Variants in PIP4P1 observed in about 807,000 individuals in gnomAD.
PIP4P1 encodes the protein phosphatidylinositol-4,5-bisphosphate 4-phosphatase 1.
A neutral mutation model predicts 32.3 loss-of-function variants in PIP4P1; 14 were observed. The observed-to-expected ratio is 0.43, with a 90% CI of 0.29 to 0.68. The LOEUF (loss-of-function observed/expected upper bound fraction) is 0.68, where lower values mean the gene tolerates loss of function less well. PIP4P1 is among the 30% of genes least tolerant of loss of function. The pLI is 0.15. For synonymous variants in PIP4P1, 132 were observed against 137.9 expected (o/e 0.96, Z 0.30); for missense variants, 289 against 364.5 (o/e 0.79, Z 1.69).
In PIP4P1 at chr14:20,459,149, T is replaced by C. The variant is rs1203486764; in HGVS notation, c.690+57A>G. ...TTTTTTAGGGTAGCAGTTTCCCAAA[T>C]CTTAGCCTATGGAGATGAGGCTGCA... is the stretch of plus-strand genomic sequence containing the variant. On this transcript the variant is annotated intron_variant, in intron 6 of 6. Transcript: ENST00000250489. 3.2e-6 allele frequency: 5 copies of C among 1,567,242 alleles called. No homozygotes were observed. The Admixed American group carries it at 8.7e-5, about 27-fold the overall frequency.
chr14:20,458,286 C>T lies in PIP4P1; in HGVS notation c.*273G>A, dbSNP rs1176890674. 6.4e-6 allele frequency: 4 copies of T among 622,002 alleles called. No homozygotes were observed. Among genetic ancestry groups the T allele is most frequent in the East Asian group, 3.4e-5 (1 of 29,430 alleles). 38.5% of individuals were successfully genotyped at this position (622,002 alleles called of 1,614,324 possible). ...CACACAGGAAGGACAAGGCTGGAAC[C>T]GTCTTCAGGGCCCAGTTTTAAGGGC... On this transcript the variant is annotated 3_prime_UTR_variant, in exon 7 of 7. Transcript: ENST00000250489.
Position 20,459,299 on chromosome 14 carries a change from G to C in PIP4P1, c.600-3C>G. 1 of 1,614,220 alleles carries C rather than the reference G, an allele frequency of 6.2e-7. No homozygotes were observed. The highest frequency in any genetic ancestry group is 1.6e-4 in the Middle Eastern group (1 of 6,062). ...GGTATCTGCGCCCAATAGATGACCT[G>C]TGGGGAGGCAAATAGAAATGGATGC... On this transcript the variant is annotated splice_region_variant and splice_polypyrimidine_tract_variant and intron_variant, in intron 5 of 6. Transcript: ENST00000250489.
rs901991492 is a variant in PIP4P1, at chr14:20,461,359, A to G, written c.-34T>C. ...CCGCCGCCTCCCGCTCAGGTCGGCG[A>G]TCCGGCTCCCTTCGCCTCTGCCGTC... On this transcript the variant is annotated 5_prime_UTR_variant, in exon 1 of 7. Transcript: ENST00000250489. The G allele has an allele frequency of 1.6e-6, 2 of 1,260,804 alleles. No individual in the cohort carries two copies. The highest frequency in any genetic ancestry group is 2.0e-6 in the Non-Finnish European group (2 of 1,003,920). The allele number at this position is 1,260,804 out of a possible 1,614,324, so 78.1% of individuals were successfully genotyped here.
At chr14:20,460,923 G>T in intron 1 of PIP4P1, 78 bp from the exon 2 acceptor site, 1 of 1,452,142 alleles carries the variant, frequency 6.9e-7, no homozygotes. Context: ...AAGTCCTTCT[G>T]ATCTTCAACC....
chr14:20,458,737 T>G lies in PIP4P1; in HGVS notation c.691-35A>C, dbSNP rs752961119. 1.3e-4 allele frequency: 211 copies of G among 1,596,266 alleles called. 1 individual carries two copies. The South Asian group carries it at 2.3e-3, about 18-fold the overall frequency. On this transcript the variant is annotated intron_variant, in intron 6 of 6. Coordinates refer to ENST00000250489, the MANE Select transcript of PIP4P1 (RefSeq NM_144568.4). ...ATAAGGAGGGAGAAGAAAAGAAAGATGGGGTTAATGTTGGTCTCCACTACC... is the reference window on the plus strand; with the variant it reads ...ATAAGGAGGGAGAAGAAAAGAAAGAGGGGGTTAATGTTGGTCTCCACTACC...
rs1881516560 is a variant in PIP4P1, at chr14:20,458,134, A to T, written c.*425T>A. ...GACTGAGGGTACTGAGGCCAGAGCC[A>T]ACCTCTGGTGAAGTGCAATAGCAGC... On this transcript the variant is annotated 3_prime_UTR_variant, in exon 7 of 7. Transcript: ENST00000250489. 2.7e-6 allele frequency: 1 copy of T among 370,874 alleles called. No individual in the cohort carries two copies. The allele number at this position is 370,874 out of a possible 1,614,324, so 23.0% of individuals were successfully genotyped here.
In PIP4P1 at chr14:20,458,451, C is replaced by T; in HGVS notation, c.*108G>A. 1.3e-6 allele frequency: 2 copies of T among 1,522,634 alleles called. No homozygotes were observed. The highest frequency in any genetic ancestry group is 1.2e-5 in the South Asian group (1 of 86,320). The allele number at this position is 1,522,634 out of a possible 1,614,324, so 94.3% of individuals were successfully genotyped here. A position where few individuals can be genotyped will look rare whatever the true frequency, so the allele number is the denominator to read the frequency against. On this transcript the variant is annotated 3_prime_UTR_variant, in exon 7 of 7. Transcript: ENST00000250489. ...TCCCCAGGGAAAAGGAAGGCAGCTG[C>T]TTGGCTTCCTTCTAGAAGCCCCGGG... is the stretch of plus-strand genomic sequence containing the variant.
chr14:20,459,188 T>TGGGGCAAGGGTACTC lies in PIP4P1; in HGVS notation c.690+3_690+17dup. On this transcript the variant is annotated intron_variant, in intron 6 of 6. Transcript: ENST00000250489. ...GATGAGGCTGCAGAATGAAAGAGGT[T>TGGGGCAAGGGTACTC]GGGGCAAGGGTACTCACGGCAAGGC... 2 of 1,613,588 alleles carry TGGGGCAAGGGTACTC rather than the reference T, an allele frequency of 1.2e-6. No individual in the cohort carries two copies. Among genetic ancestry groups the TGGGGCAAGGGTACTC allele is most frequent in the Non-Finnish European group, 1.7e-6 (2 of 1,179,794 alleles).
chr14:20,458,228 A>T lies in PIP4P1; in HGVS notation c.*331T>A. The T allele has an allele frequency of 2.2e-6, 1 of 445,208 alleles. No individual in the cohort carries two copies. Among genetic ancestry groups the T allele is most frequent in the Non-Finnish European group, 4.5e-6 (1 of 222,010 alleles). 27.6% of individuals were successfully genotyped at this position (445,208 alleles called of 1,614,324 possible). On this transcript the variant is annotated 3_prime_UTR_variant, in exon 7 of 7. Coordinates refer to ENST00000250489, the MANE Select transcript of PIP4P1 (RefSeq NM_144568.4). ...GCTACCCACCCCCACCCTGCCCTGG[A>T]ATGTGTAAGGGACAGGAATGGCTCT...
chr14:20,458,562 G>A lies in PIP4P1; in HGVS notation c.831C>T (p.Ser277=). ...CACAGTCTGTGGGTCATCAGGCTCA[G>A]GAGAAGTTCTGGACAGGGTGGCTGA... ...MKVSHPVQNF[S] The change falls in exon 7 of 7, where the codon TCC becomes TCT. Residue 277 remains serine, a synonymous_variant. Coordinates refer to ENST00000250489, the MANE Select transcript of PIP4P1 (RefSeq NM_144568.4). 1.2e-6 allele frequency: 2 copies of A among 1,613,558 alleles called. No homozygotes were observed. The highest frequency in any genetic ancestry group is 2.7e-5 in the African/African-American group (2 of 75,024).
Position 20,457,857 on chromosome 14 carries a change from G to C in PIP4P1, c.*702C>G, listed in dbSNP as rs533379082. 2.6e-6 allele frequency: 1 copy of C among 379,448 alleles called. No homozygotes were observed. The highest frequency in any genetic ancestry group is 6.7e-5 in the East Asian group (1 of 15,034). 23.5% of individuals were successfully genotyped at this position (379,448 alleles called of 1,614,324 possible). A position where few individuals can be genotyped will look rare whatever the true frequency, so the allele number is the denominator to read the frequency against. ...CACACAAGTTAACAACTGAAAAAGC[G>C]TAGAGTCATGACCTTATTTATTTAC... On this transcript the variant is annotated 3_prime_UTR_variant, in exon 7 of 7. Transcript: ENST00000250489.
intron 4 of PIP4P1, 41 bp downstream of exon 4, chr14:20,459,587 T>C (rs1158945072): frequency 1.3e-6 from 2 of 1,585,992 alleles, no homozygotes; most frequent in Non-Finnish European, 1.7e-6. Context: ...AAATGACTCT[T>C]AGTCTCCTTT....
At chr14:20,460,962 A>G (rs1309775614) in intron 1 of PIP4P1, 117 bp from the exon 2 acceptor site, 2 of 1,308,022 alleles carry the variant, frequency 1.5e-6, no homozygotes, top group Admixed American at 6.7e-5. Flanking sequence ...GGCTTCTCAT[A>G]ATTGGCACTT....
intron 2 of PIP4P1, 140 bp downstream of exon 2, chr14:20,460,515 G>T: frequency 3.4e-6 from 3 of 893,910 alleles, no homozygotes; most frequent in Non-Finnish European, 5.0e-6. Context: ...TGGGGAAATG[G>T]CTGTGTGAGA....
In PIP4P1 at chr14:20,461,284, G is replaced by A; in HGVS notation, c.42C>T (p.Pro14=). 1 of 1,289,300 alleles carries A rather than the reference G, an allele frequency of 7.8e-7. No individual in the cohort carries two copies. Among genetic ancestry groups the A allele is most frequent in the East Asian group, 2.9e-5 (1 of 34,730 alleles). The allele number at this position is 1,289,300 out of a possible 1,614,324, so 79.9% of individuals were successfully genotyped here. The change falls in exon 1 of 7, where the codon CCC becomes CCT. Residue 14 remains proline (P), a synonymous_variant. Transcript: ENST00000250489. ...DGERSPLLSE[P]IDGGAGGNGL... ...CGTTGCCGCCCGCGCCACCGTCGAT[G>A]GGCTCAGACAGCAGCGGGGAACGCT...
chr14:20,459,066 C>T, intron 6 of PIP4P1, 140 bp downstream of exon 6: 1 of 862,172 alleles, frequency 1.2e-6, no homozygotes, highest in Non-Finnish European at 1.8e-6. Flanking sequence ...CCACTTTGCA[C>T]TTTAGCTCAT....
chr14:20,460,990 A>T (rs953529230), intron 1 of PIP4P1, 145 bp from the exon 2 acceptor site: 2 of 1,263,668 alleles, frequency 1.6e-6, no homozygotes, highest in Non-Finnish European at 2.1e-6. Context: ...GTTGCTCAGA[A>T]CCCCCTTCCG....
chr14:20,460,697 C>G lies in PIP4P1; in HGVS notation c.291G>C (p.Met97Ile). 21 of 1,614,060 alleles carry G rather than the reference C, an allele frequency of 1.3e-5. No individual in the cohort carries two copies. Among genetic ancestry groups the G allele is most frequent in the Non-Finnish European group, 1.8e-5 (21 of 1,180,000 alleles). Residue 97 changes from methionine to isoleucine, a missense_variant, in exon 2 of 7, where the codon ATG becomes ATC. By Grantham distance (10) the Met-to-Ile change is conservative (BLOSUM62 1). Coordinates refer to ENST00000250489, the MANE Select transcript of PIP4P1 (RefSeq NM_144568.4). ...CACCACATTTGACTACATGCTGATGCATCTTGCCTTCCACGTTGATGAGAG... is the reference window on the plus strand; with the variant it reads ...CACCACATTTGACTACATGCTGATGGATCTTGCCTTCCACGTTGATGAGAG... ...CQSLINVEGK[M>I]HQHVVKCGVC...
Position 20,458,666 on chromosome 14 carries a change from T to C in PIP4P1, c.727A>G (p.Ile243Val). Reference sequence around the variant, plus strand: ...ATGACAAATGCCCAGGCTGCATAGATGCCTCCATATCGCCGTGCATGCTTC... The same window carrying C: ...ATGACAAATGCCCAGGCTGCATAGACGCCTCCATATCGCCGTGCATGCTTC... ...TWKHARRYGG[I>V]YAAWAFVILL... is the part of the protein sequence containing the mutation. Residue 243 changes from isoleucine (I) to valine (V), a missense_variant, in exon 7 of 7, where the codon ATC (isoleucine) becomes GTC (valine). Physicochemically the swap from Ile to Val is conservative, Grantham distance 29 (BLOSUM62 3). Transcript: ENST00000250489. The C allele has an allele frequency of 6.2e-7, 1 of 1,614,000 alleles. No homozygotes were observed. Among genetic ancestry groups the C allele is most frequent in the Admixed American group, 1.7e-5 (1 of 59,968 alleles).
Sources: gnomAD v4.1 joint callset for allele counts on GRCh38, gnomAD v4.1.1 for gene constraint, MANE v1.5 for transcripts, NCBI Gene and HGNC (gene_info 2026-07-23, HGNC 2026-07-21) for gene names.